Variants in ADAMTSL1 observed in about 807,000 individuals in gnomAD.
ADAMTSL1 encodes the protein ADAMTS like 1.
ADAMTSL1 carries 126 observed loss-of-function variants against 201.8 expected under a neutral mutation model. The observed-to-expected ratio is 0.62, with a 90% CI of 0.54 to 0.72. The LOEUF is 0.72. Among genes scored for constraint, ADAMTSL1 ranks in the 30% least tolerant of loss-of-function variants. ADAMTSL1 has a pLI of 0.00. For synonymous variants in ADAMTSL1, 1,121 were observed against 903.4 expected, an observed-to-expected ratio of 1.24 and a Z score of -4.32; for missense variants, 2,679 against 2,277.8, an observed-to-expected ratio of 1.18 and a Z score of -3.59.
intron 3 of ADAMTSL1, among the ~76,000 whole-genome samples, chr9:18,567,276 CCAA>C (rs1821968516): frequency 6.6e-6 from 1 of 151,928 alleles, no homozygotes; most frequent in Non-Finnish European, 1.5e-5. Flanking sequence ...ACCAGTCTGG[CCAA>C]CATGGTAAAA....
chr9:18,695,090 G>A (rs1831470232), intron 13 of ADAMTSL1, among the ~76,000 whole-genome samples: 2 of 152,194 alleles, frequency 1.3e-5, no homozygotes, highest in Non-Finnish European at 2.9e-5. Flanking sequence ...GGGACACAAG[G>A]AGCATTGTCC....
intron 2 of ADAMTSL1, among the ~76,000 whole-genome samples, chr9:18,377,369 T>G (rs939404334): frequency 2.0e-5 from 3 of 152,256 alleles, no homozygotes; most frequent in African/African-American, 4.8e-5. Flanking sequence ...TTCTTTCTGA[T>G]AGTAGAATTA....
intron 15 of ADAMTSL1, chr9:18,723,192 T>C: frequency 1.4e-6 from 1 of 700,218 alleles, no homozygotes; most frequent in Non-Finnish European, 2.6e-6. Flanking sequence ...TGAGATCCCA[T>C]GACTTGCTCA....
chr9:18,206,182 C>G (rs150634240), intron 2 of ADAMTSL1, among the ~76,000 whole-genome samples: 333 of 151,274 alleles, frequency 2.2e-3, no homozygotes, highest in Non-Finnish European at 3.8e-3. Flanking sequence ...TGCAGAAGCC[C>G]AAAGTTGGAA....
At chr9:18,219,891 C>T (rs971481661) in intron 2 of ADAMTSL1, among the ~76,000 whole-genome samples, 3 of 152,026 alleles carry the variant, frequency 2.0e-5, no homozygotes, top group African/African-American at 7.2e-5. Flanking sequence ...GCTAAACTCT[C>T]ATATTAGTTT....
intron 7 of ADAMTSL1, among the ~76,000 whole-genome samples, chr9:18,643,706 C>T (rs536655365): frequency 1.1e-4 from 17 of 152,092 alleles, no homozygotes; most frequent in Non-Finnish European, 1.9e-4. Context: ...TCTGAATTAA[C>T]ATCTGGGCTG....
At chr9:18,284,226 T>C (rs920210616) in intron 2 of ADAMTSL1, among the ~76,000 whole-genome samples, 1 of 151,712 alleles carries the variant, frequency 6.6e-6, no homozygotes, top group African/African-American at 2.4e-5. Flanking sequence ...CAAAACTCCA[T>C]CTCAAAAAAA....
At chr9:18,867,972 T>C (rs543178933) in intron 23 of ADAMTSL1, among the ~76,000 whole-genome samples, 2 of 152,326 alleles carry the variant, frequency 1.3e-5, no homozygotes, top group South Asian at 4.1e-4. Context: ...CACACACCCA[T>C]GTATTCACCT....
At chr9:18,585,830 A>G (rs1335923451) in intron 4 of ADAMTSL1, among the ~76,000 whole-genome samples, 1 of 152,222 alleles carries the variant, frequency 6.6e-6, no homozygotes, top group Non-Finnish European at 1.5e-5. Flanking sequence ...TATTCATCAC[A>G]TAAATAGAAC....
intron 1 of ADAMTSL1, among the ~76,000 whole-genome samples, chr9:17,961,915 G>A (rs1298193466): frequency 6.6e-6 from 1 of 152,176 alleles, no homozygotes; most frequent in Non-Finnish European, 1.5e-5. Context: ...CATAAGCTTA[G>A]ACTAAAGTAG....
chr9:18,309,948 C>T (rs931135417), intron 2 of ADAMTSL1, among the ~76,000 whole-genome samples: 18 of 152,100 alleles, frequency 1.2e-4, no homozygotes, highest in African/African-American at 3.6e-4. Flanking sequence ...TACTACAAGG[C>T]TACAGTAACC....
chr9:18,340,698 C>A (rs1429419949), intron 2 of ADAMTSL1, among the ~76,000 whole-genome samples: 1 of 152,138 alleles, frequency 6.6e-6, no homozygotes, highest in African/African-American at 2.4e-5. Flanking sequence ...CTCATGAGAT[C>A]TGATGCTTTT....
chr9:18,375,663 G>A (rs1008353742), intron 2 of ADAMTSL1, among the ~76,000 whole-genome samples: 5 of 152,214 alleles, frequency 3.3e-5, no homozygotes, highest in African/African-American at 1.2e-4. Context: ...GCTCATAAAG[G>A]TGGTGTGGAC....
At chr9:18,470,725 C>G (rs538828836), upstream of ADAMTSL1, among the ~76,000 whole-genome samples, 15 of 152,308 alleles carry the variant, frequency 9.8e-5, no homozygotes, top group East Asian at 2.7e-3. Context: ...CTCTTTCCTC[C>G]CATAAAGCAC....
At chr9:18,616,086 C>T (rs1362275797) in intron 4 of ADAMTSL1, among the ~76,000 whole-genome samples, 5 of 152,114 alleles carry the variant, frequency 3.3e-5, no homozygotes, top group South Asian at 4.1e-4. Context: ...AGTGGAGTGA[C>T]GCCATCTCGG....
chr9:17,945,822 G>A, intron 1 of ADAMTSL1, among the ~76,000 whole-genome samples: 1 of 111,054 alleles, frequency 9.0e-6, no homozygotes, highest in East Asian at 3.2e-4. Flanking sequence ...GTTGTGGGGT[G>A]GGGGGAGGGG....
intron 23 of ADAMTSL1, among the ~76,000 whole-genome samples, chr9:18,877,399 G>A (rs908978228): frequency 2.6e-5 from 4 of 152,138 alleles, no homozygotes; most frequent in African/African-American, 7.2e-5. Context: ...CTGCTGTTGA[G>A]ATTCTTTTGT....
At chr9:18,384,372 C>G (rs1316605993) in intron 2 of ADAMTSL1, among the ~76,000 whole-genome samples, 1 of 152,128 alleles carries the variant, frequency 6.6e-6, no homozygotes. Context: ...CACCTCTCAC[C>G]AGGTCCCTCC....
At chr9:18,275,541 A>G (rs1193563827) in intron 2 of ADAMTSL1, among the ~76,000 whole-genome samples, 1 of 152,152 alleles carries the variant, frequency 6.6e-6, no homozygotes. Flanking sequence ...GCCCTAGGCA[A>G]CTACTGATCT....
Sources: gnomAD v4.1 joint callset for allele counts (sites outside exome capture counted in the v4.1 genomes callset) on GRCh38, gnomAD v4.1.1 for gene constraint, MANE v1.5 for transcripts, NCBI Gene and HGNC (gene_info 2026-07-23, HGNC 2026-07-21) for gene names.